The following TP53I13 variants were observed in gnomAD, a reference collection of about 807,000 sequenced individuals.
TP53I13 encodes tumor protein p53-inducible protein 13.
Under a neutral mutation model 39.1 loss-of-function variants are expected in TP53I13, and 27 were observed. The ratio of observed to expected loss-of-function variants is 0.69; its 90% CI spans 0.51 to 0.95. TP53I13 has a LOEUF of 0.95. TP53I13 is among the 40% of genes least tolerant of loss of function. The pLI is 0.00. For synonymous variants in TP53I13, 230 were observed against 224.6 expected, an observed-to-expected ratio of 1.02 and a Z score of -0.22; for missense variants, 544 against 520.4, an observed-to-expected ratio of 1.05 and a Z score of -0.44.
downstream of TP53I13, among the ~76,000 whole-genome samples, chr17:29,578,003 G>A (rs1363434160): frequency 6.6e-6 from 1 of 152,250 alleles, no homozygotes; most frequent in African/African-American, 2.4e-5. Flanking sequence ...CTGTGGCCAG[G>A]AAGGAGTGAT....
chr17:29,566,783 C>T (rs1567758192), upstream of TP53I13: 3 of 1,511,290 alleles, frequency 2.0e-6, no homozygotes, highest in Non-Finnish European at 2.6e-6. Context: ...GGCTCGCGCC[C>T]GTCGCTGAAC....
chr17:29,571,749 G>T, intron 4 of TP53I13, 30 bp downstream of exon 4: 1 of 1,613,956 alleles, frequency 6.2e-7, no homozygotes, highest in Non-Finnish European at 8.5e-7. Context: ...CGCTTGCCTG[G>T]CCCTGGCAGA....
At chr17:29,580,383 GC>G in the TP53I13 span, among the ~76,000 whole-genome samples, 1 of 152,222 alleles carries the variant, frequency 6.6e-6, no homozygotes, top group Non-Finnish European at 1.5e-5. Flanking sequence ...GCCTGGTTAT[GC>G]CCATCTGCCC....
chr17:29,582,017 C>T, the TP53I13 span: 1 of 1,612,626 alleles, frequency 6.2e-7, no homozygotes, highest in Non-Finnish European at 8.5e-7. Context: ...CAGTGTCTGT[C>T]CTGCCTTGGC....
At chr17:29,576,153 G>A (rs2033189164), downstream of TP53I13, 5 of 1,613,056 alleles carry the variant, frequency 3.1e-6, no homozygotes, top group Middle Eastern at 1.6e-4. Flanking sequence ...AGCACAGCGA[G>A]CGTCATGGTG....
chr17:29,569,107 A>G, intron 2 of TP53I13, 21 bp downstream of exon 2: 1 of 1,574,234 alleles, frequency 6.4e-7, no homozygotes, highest in Non-Finnish European at 8.6e-7. Context: ...TGGAGGGCCC[A>G]GGGAGAGAGG....
rs1463960111 is a variant in TP53I13 at position 29,571,579 on chromosome 17, C to T, written c.184-12C>T. 2 of 1,613,188 alleles carry T rather than the reference C, an allele frequency of 1.2e-6. No homozygotes were observed. Among genetic ancestry groups the T allele is most frequent in the Non-Finnish European group, 1.7e-6 (2 of 1,179,952 alleles). On this transcript the variant is annotated splice_polypyrimidine_tract_variant and intron_variant, in intron 3 of 6. Coordinates refer to ENST00000301057, the MANE Select transcript of TP53I13 (RefSeq NM_138349.4). ...CTGGGCCTGCTTTGATGTCTCTGTG[C>T]CTTTCCTCCAGGCTGAGGATGTCAC...
chr17:29,581,764 G>A, the TP53I13 span: 1 of 1,611,346 alleles, frequency 6.2e-7, no homozygotes, highest in East Asian at 2.2e-5. The surrounding 1 kb of genome is among the most constrained non-coding windows in gnomAD (Gnocchi z 4.8). Flanking sequence ...CACAGAGGTA[G>A]AAGGCCAGCC....
downstream of TP53I13, chr17:29,577,080 G>A: frequency 1.2e-6 from 2 of 1,607,528 alleles, no homozygotes; most frequent in Non-Finnish European, 1.7e-6. Context: ...GAGCCATGCA[G>A]GAAAGACCCC....
intron 5 of TP53I13, 27 bp from the exon 6 acceptor site, chr17:29,572,115 G>C (rs780298645): frequency 6.2e-6 from 10 of 1,610,336 alleles, no homozygotes; most frequent in Non-Finnish European, 7.6e-6. Context: ...GGGGCAGCAG[G>C]GTGATTGCTC....
At chr17:29,566,781 C>T, upstream of TP53I13, 1 of 1,516,382 alleles carries the variant, frequency 6.6e-7, no homozygotes, top group South Asian at 1.2e-5. Context: ...GTGGCTCGCG[C>T]CCGTCGCTGA....
At chr17:29,578,766 C>G in the TP53I13 span, 2 of 1,614,048 alleles carry the variant, frequency 1.2e-6, no homozygotes, top group South Asian at 2.2e-5. Context: ...TTGGCCAATT[C>G]GGATAAGTCA....
chr17:29,581,875 C>A, the TP53I13 span: 1 of 1,607,292 alleles, frequency 6.2e-7, no homozygotes, highest in Middle Eastern at 1.7e-4. This position sits in a 1 kb window ranked among gnomAD's most constrained non-coding sequence, Gnocchi z 4.8. Context: ...GCAGCAGCAG[C>A]CCTCACCCAC....
intron 2 of TP53I13, 81 bp from the exon 3 acceptor site, chr17:29,569,237 T>A (rs1160669646): frequency 6.5e-7 from 1 of 1,534,902 alleles, no homozygotes; most frequent in African/African-American, 1.4e-5. Flanking sequence ...AGCCTGGCGC[T>A]TGGGGCCTGC....
At chr17:29,571,054 C>T (rs1009467413) in intron 3 of TP53I13, 1 of 153,568 alleles carries the variant, frequency 6.5e-6, no homozygotes, top group Non-Finnish European at 1.4e-5. Flanking sequence ...CTCACACACT[C>T]CTTGCAAGCA....
At chr17:29,577,089 C>T (rs756892703), downstream of TP53I13, 4 of 1,607,148 alleles carry the variant, frequency 2.5e-6, no homozygotes, top group Admixed American at 6.7e-5. Context: ...AGGAAAGACC[C>T]CTGGAGCCCC....
chr17:29,566,979 G>T, upstream of TP53I13: 1 of 1,311,258 alleles, frequency 7.6e-7, no homozygotes, highest in South Asian at 2.3e-5. Flanking sequence ...CGAAGCTGGA[G>T]AGCCCCGGCG....
At chr17:29,579,757 A>G in the TP53I13 span, among the ~76,000 whole-genome samples, 2 of 151,962 alleles carry the variant, frequency 1.3e-5, no homozygotes, top group South Asian at 2.1e-4. Flanking sequence ...TTTTGCATAC[A>G]TTCTTATCTA....
chr17:29,575,276 T>A, downstream of TP53I13: 1 of 1,602,590 alleles, frequency 6.2e-7, no homozygotes, highest in South Asian at 1.1e-5. This position sits in a 1 kb window ranked among gnomAD's most constrained non-coding sequence, Gnocchi z 5.5. Context: ...CACCTCCCCC[T>A]CCACTCAGTA....
Sources: gnomAD v4.1 joint callset for allele counts (sites outside exome capture counted in the v4.1 genomes callset) on GRCh38, gnomAD v4.1.1 for gene constraint, Gnocchi (gnomAD v3.1) non-coding constraint, MANE v1.5 for transcripts, NCBI Gene and HGNC (gene_info 2026-07-23, HGNC 2026-07-21) for gene names.